SEPTIN9: variants seen among roughly 807,000 people sequenced by gnomAD.
SEPTIN9 encodes septin 9.
A neutral mutation model predicts 56.6 loss-of-function variants in SEPTIN9; 13 were observed. That is an observed-to-expected ratio of 0.23 (90% CI 0.15 to 0.37). The LOEUF is 0.37. Ranked by LOEUF, SEPTIN9 falls within the 10% of genes least tolerant of loss-of-function variation. The probability of loss-of-function intolerance (pLI) is 1.00; values close to 1 mark genes in which losing one functional copy is unlikely to be tolerated. For synonymous variants in SEPTIN9, 332 were observed against 334.1 expected, an observed-to-expected ratio of 0.99 and a Z score of 0.07; for missense variants, 650 against 823.1, an observed-to-expected ratio of 0.79 and a Z score of 2.57.
At chr17:77,415,207 GGCTGGAGCGGCCCTGGGTTGCCTCTGGGC>G (rs2036455285) in intron 3 of SEPTIN9, among the ~76,000 whole-genome samples, 1 of 152,200 alleles carries the variant, frequency 6.6e-6, no homozygotes, top group South Asian at 2.1e-4. Flanking sequence ...AGGTGGAGGC[GGCTGGAGCGGCCCTGGGTTGCCTCTGGGC>G]GCAGCAGGCA....
At chr17:77,304,514 C>T (rs1310507799) in intron 1 of SEPTIN9, among the ~76,000 whole-genome samples, 1 of 152,096 alleles carries the variant, frequency 6.6e-6, no homozygotes, top group Non-Finnish European at 1.5e-5. Context: ...TTCTATTTTC[C>T]TTTTGCCTGG....
chr17:77,455,714 T>G (rs1318640888), intron 3 of SEPTIN9, among the ~76,000 whole-genome samples: 1 of 152,214 alleles, frequency 6.6e-6, no homozygotes, highest in Non-Finnish European at 1.5e-5. Context: ...GAGGATTGTG[T>G]CTTGTCGATC....
intron 3 of SEPTIN9, among the ~76,000 whole-genome samples, chr17:77,411,750 C>T (rs1598332542): frequency 6.6e-6 from 1 of 152,138 alleles, no homozygotes; most frequent in African/African-American, 2.4e-5. Context: ...TGAGAGGCTG[C>T]AACAGATGTT....
chr17:77,345,798 T>A (rs1032894604), intron 2 of SEPTIN9, among the ~76,000 whole-genome samples: 1 of 152,168 alleles, frequency 6.6e-6, no homozygotes, highest in Non-Finnish European at 1.5e-5. Flanking sequence ...CTGACATGAC[T>A]GTATTTGGCC....
rs111791067 is a variant in SEPTIN9 at position 77,396,028 on chromosome 17, G to A, written c.77-6031G>A. ...CAAGTTGAGATCGGTGGGGATTGGA[G>A]AAGGGACCCAGGGAGGCTTTTGGGA... On this transcript the variant is annotated intron_variant, in intron 2 of 11. Coordinates refer to ENST00000427177, the MANE Select transcript of SEPTIN9 (RefSeq NM_001113491.2). 9.8e-3 allele frequency among the ~76,000 whole-genome samples: 1,488 copies of A among 152,308 alleles called. 11 individuals carry two copies. The highest frequency in any genetic ancestry group is 0.015 in the Non-Finnish European group (1,049 of 68,028).
rs312913 is a variant in SEPTIN9, at chr17:77,421,094, G to A, written c.721+18391G>A. ...TGGAGCTCTGCCGTCGCTGACTCCC[G>A]GGCTACCTGGAGTGATAACACAGCC... On this transcript the variant is annotated intron_variant, in intron 3 of 11. Transcript: ENST00000427177. The surrounding 1 kb of genome is among the most constrained non-coding windows in gnomAD (Gnocchi z 4.6). Among the ~76,000 whole-genome samples the A allele has an allele frequency of 0.019, 2,967 of 152,260 alleles. 93 individuals are homozygous for A. Among genetic ancestry groups the A allele is most frequent in the African/African-American group, 0.066 (2,723 of 41,552 alleles).
intron 2 of SEPTIN9, among the ~76,000 whole-genome samples, chr17:77,396,273 C>T (rs1456872801): frequency 6.6e-6 from 1 of 152,202 alleles, no homozygotes; most frequent in Admixed American, 6.5e-5. Flanking sequence ...CTTCTGTGTC[C>T]TTCAGTTGCA....
chr17:77,309,677 C>G (rs868654005), intron 2 of SEPTIN9, among the ~76,000 whole-genome samples: 1 of 152,142 alleles, frequency 6.6e-6, no homozygotes. Context: ...GATGACATTT[C>G]TGGCAAAAGC....
chr17:77,312,803 CA>C (rs2032554718), intron 2 of SEPTIN9, among the ~76,000 whole-genome samples: 1 of 152,050 alleles, frequency 6.6e-6, no homozygotes, highest in Non-Finnish European at 1.5e-5. Context: ...AAGAAGGTGA[CA>C]AAAAGGGTCT....
At chr17:77,320,035 T>C (rs1284983299) in intron 2 of SEPTIN9, 1 of 1,370,918 alleles carries the variant, frequency 7.3e-7, no homozygotes, top group African/African-American at 1.5e-5. Context: ...CCCTCTCTCC[T>C]GCCTCCTATT....
chr17:77,307,782 G>T (rs144240990), intron 2 of SEPTIN9, among the ~76,000 whole-genome samples: 4 of 152,348 alleles, frequency 2.6e-5, no homozygotes, highest in Middle Eastern at 3.4e-3. Flanking sequence ...GGGGCTGGCC[G>T]TCCAGGACAC....
rs1263577103 is a variant in SEPTIN9 at position 77,487,294 on chromosome 17, C to A, written c.914-130C>A. 1 of 1,011,374 alleles carries A rather than the reference C, an allele frequency of 9.9e-7. No homozygotes were observed. Among genetic ancestry groups the A allele is most frequent in the Non-Finnish European group, 1.5e-6 (1 of 666,880 alleles). 62.7% of individuals were successfully genotyped at this position (1,011,374 alleles called of 1,614,324 possible). A position where few individuals can be genotyped will look rare whatever the true frequency, so the allele number is the denominator to read the frequency against. ...CGGGGGCTGCTTGGCAGGGATATTG[C>A]CGGGAGGTAGCCCAGGCACTGCTGA... On this transcript the variant is annotated intron_variant, in intron 4 of 11. Transcript: ENST00000427177. This position sits in a 1 kb window ranked among gnomAD's most constrained non-coding sequence, Gnocchi z 4.3.
chr17:77,298,041 G>A (rs937363311), intron 1 of SEPTIN9, among the ~76,000 whole-genome samples: 4 of 152,170 alleles, frequency 2.6e-5, no homozygotes, highest in Non-Finnish European at 4.4e-5. Flanking sequence ...GGAGGGAGAC[G>A]CAGGTCAAAG....
rs1459967748 is a variant in SEPTIN9, at chr17:77,445,167, G to A, written c.722-36977G>A. 2.1e-6 allele frequency: 1 copy of A among 470,854 alleles called. No individual in the cohort carries two copies. Among genetic ancestry groups the A allele is most frequent in the Admixed American group, 2.4e-5 (1 of 42,534 alleles). The allele number at this position is 470,854 out of a possible 1,614,324, so 29.2% of individuals were successfully genotyped here. ...CCCAAGGGTGGCAGGAGCTGTGGGT[G>A]CTCCCAGCCCCTTCTCAAGGTTGGT... On this transcript the variant is annotated intron_variant, in intron 3 of 11. Coordinates refer to ENST00000427177, the MANE Select transcript of SEPTIN9 (RefSeq NM_001113491.2). This position sits in a 1 kb window ranked among gnomAD's most constrained non-coding sequence, Gnocchi z 4.7.
At chr17:77,283,470 C>G (rs542293354) in intron 1 of SEPTIN9, among the ~76,000 whole-genome samples, 50 of 152,190 alleles carry the variant, frequency 3.3e-4, no homozygotes, top group African/African-American at 1.2e-3. Context: ...TGTCTTGGCA[C>G]CAGCCCTTTT....
intron 7 of SEPTIN9, among the ~76,000 whole-genome samples, chr17:77,489,251 C>T (rs991855819): frequency 7.2e-5 from 11 of 152,180 alleles, no homozygotes; most frequent in African/African-American, 2.7e-4. Context: ...CATGGGACCC[C>T]TTAGAGGGTT....
chr17:77,402,422 C>A lies in SEPTIN9; in HGVS notation c.440C>A (p.Pro147His), dbSNP rs1307150824. Reference sequence around the variant, plus strand: ...GGCCACAAGACGCCAGAACCGGCCCCTCGGAGGACGGAGATCACCATCGTC... The same window carrying A: ...GGCCACAAGACGCCAGAACCGGCCCATCGGAGGACGGAGATCACCATCGTC... Reference protein sequence around the residue: ...VLGHKTPEPAPRRTEITIVKP... With the variant: ...VLGHKTPEPAHRRTEITIVKP... Residue 147 changes from proline (P) to histidine (H), a missense_variant, in exon 3 of 12, where the codon CCT (proline) becomes CAT (histidine). Pro to His is a moderately conservative substitution (Grantham distance 77, BLOSUM62 -2). This residue lies in a region of SEPTIN9 where 317 missense variants were observed against 329.1 expected (regional missense o/e 0.96). Transcript: ENST00000427177. This position sits in a 1 kb window ranked among gnomAD's most constrained non-coding sequence, Gnocchi z 6.6. 2 of 1,610,918 alleles carry A rather than the reference C, an allele frequency of 1.2e-6. No homozygotes were observed. Among genetic ancestry groups the A allele is most frequent in the Non-Finnish European group, 8.5e-7 (1 of 1,179,044 alleles).
intron 2 of SEPTIN9, among the ~76,000 whole-genome samples, chr17:77,358,099 G>A (rs866540297): frequency 1.3e-5 from 2 of 152,156 alleles, no homozygotes; most frequent in Non-Finnish European, 2.9e-5. Context: ...CTTAGTCAAC[G>A]GAAGCTCAGA....
At chr17:77,423,634 CCTTCCCCGGCTCCG>C (rs1023135972) in intron 3 of SEPTIN9, among the ~76,000 whole-genome samples, 31 of 152,402 alleles carry the variant, frequency 2.0e-4, no homozygotes, top group African/African-American at 7.5e-4. Flanking sequence ...CAGCGCCTCC[CCTTCCCCGGCTCCG>C]CGCGGAGATC....
Sources: gnomAD v4.1 joint callset for allele counts (sites outside exome capture counted in the v4.1 genomes callset) on GRCh38, gnomAD v4.1.1 for gene constraint, gnomAD v4.1.1 regional missense constraint, Gnocchi (gnomAD v3.1) non-coding constraint, MANE v1.5 for transcripts, NCBI Gene and HGNC (gene_info 2026-07-23, HGNC 2026-07-21) for gene names.